Variants in SAMD12 observed in about 807,000 individuals in gnomAD.
The protein encoded by SAMD12 is sterile alpha motif domain containing 12.
SAMD12 carries 9 observed loss-of-function variants against 15.0 expected under a neutral mutation model. The observed-to-expected ratio is 0.60, with a 90% CI of 0.36 to 1.05. The LOEUF (loss-of-function observed/expected upper bound fraction) is 1.05, where lower values mean the gene tolerates loss of function less well. SAMD12 is among the 50% of genes least tolerant of loss of function. The pLI, the probability that SAMD12 is intolerant of heterozygous loss-of-function variation, is 0.01. For synonymous variants in SAMD12, 86 were observed against 90.1 expected (o/e 0.96, Z 0.25); for missense variants, 230 against 234.2 (o/e 0.98, Z 0.12).
chr8:118,446,533 T>A (rs1409678519), intron 2 of SAMD12, among the ~76,000 whole-genome samples: 1 of 152,232 alleles, frequency 6.6e-6, no homozygotes, highest in Non-Finnish European at 1.5e-5. Context: ...CTTCTCTTTT[T>A]TTGAGCTACA....
At chr8:118,392,432 GACAA>G (rs1414802043) in intron 3 of SAMD12, among the ~76,000 whole-genome samples, 4 of 152,074 alleles carry the variant, frequency 2.6e-5, no homozygotes, top group African/African-American at 7.2e-5. Context: ...TCCGTCTCAA[GACAA>G]ACAAACAAAA....
intron 2 of SAMD12, among the ~76,000 whole-genome samples, chr8:118,525,845 A>C (rs567648104): frequency 2.4e-4 from 37 of 152,192 alleles, no homozygotes; most frequent in Non-Finnish European, 4.7e-4. Flanking sequence ...TCTATGTTTA[A>C]AGCAACACTG....
chr8:118,304,911 G>A (rs1480135465), intron 4 of SAMD12, among the ~76,000 whole-genome samples: 1 of 151,504 alleles, frequency 6.6e-6, no homozygotes, highest in Non-Finnish European at 1.5e-5. Context: ...CACTTTGGGA[G>A]GCTGAGGCGG....
In SAMD12 at chr8:118,597,417, T is replaced by A. The variant is rs188713536; in HGVS notation, c.14-16524A>T. On this transcript the variant is annotated intron_variant, in intron 1 of 3. Transcript: ENST00000314727. ...GACAATAGTGACAAAACTCTGGTAATGTCAGTGAGGATTTAGAGAAACAGA... is the reference window on the plus strand; with the variant it reads ...GACAATAGTGACAAAACTCTGGTAAAGTCAGTGAGGATTTAGAGAAACAGA... 8.9e-3 allele frequency among the ~76,000 whole-genome samples: 1,355 copies of A among 152,322 alleles called. 5 individuals are homozygous for A. The highest frequency in any genetic ancestry group is 0.031 in the Middle Eastern group (9 of 294).
chr8:118,472,402 A>C (rs1210278494), intron 2 of SAMD12, among the ~76,000 whole-genome samples: 1 of 152,160 alleles, frequency 6.6e-6, no homozygotes, highest in East Asian at 1.9e-4. Flanking sequence ...ATAAGTATAA[A>C]GAGGCTTGGT....
At chr8:118,362,715 C>T (rs1205382191) in intron 4 of SAMD12, among the ~76,000 whole-genome samples, 2 of 152,204 alleles carry the variant, frequency 1.3e-5, no homozygotes, top group Non-Finnish European at 2.9e-5. Context: ...TTCAAACCCT[C>T]ATGGTCACTG....
intron 2 of SAMD12, among the ~76,000 whole-genome samples, chr8:118,450,577 C>G (rs527265945): frequency 6.6e-6 from 1 of 152,116 alleles, no homozygotes; most frequent in Admixed American, 6.5e-5. Flanking sequence ...CAAAAACGAA[C>G]CATAAAAATT....
intron 2 of SAMD12, among the ~76,000 whole-genome samples, chr8:118,462,135 A>G (rs73313481): frequency 0.028 from 4,201 of 152,278 alleles, 175 homozygotes; most frequent in African/African-American, 0.08. Context: ...AGCCTCCTTT[A>G]TTTCAAATCT....
At chr8:118,545,685 G>C (rs143661429) in intron 2 of SAMD12, among the ~76,000 whole-genome samples, 124 of 152,226 alleles carry the variant, frequency 8.1e-4, no homozygotes, top group Non-Finnish European at 1.6e-3. Flanking sequence ...CTTAGGAATA[G>C]AAAAGAAAAA....
At position 118,284,164 on chromosome 8, in the gene SAMD12, C is replaced by A. The variant is rs570424686; in HGVS notation, c.434-86432G>T. On this transcript the variant is annotated intron_variant, in intron 4 of 4. Coordinates refer to the SAMD12 transcript ENST00000409003. Reference sequence around the variant, plus strand: ...TCTTTTGGATCCATTATGATAACCCCGATGGCCACTTTTTGCCCACCTTAA... The same window carrying A: ...TCTTTTGGATCCATTATGATAACCCAGATGGCCACTTTTTGCCCACCTTAA... 7.3e-6 allele frequency: 3 copies of A among 410,334 alleles called. No individual in the cohort carries two copies. The East Asian group carries it at 2.1e-4, about 29-fold the overall frequency. The allele number at this position is 410,334 out of a possible 1,614,324, so 25.4% of individuals were successfully genotyped here.
At chr8:118,383,185 A>G (rs948014339) in intron 3 of SAMD12, among the ~76,000 whole-genome samples, 6 of 152,192 alleles carry the variant, frequency 3.9e-5, no homozygotes, top group African/African-American at 1.4e-4. Context: ...ATTATAGAGC[A>G]CTCACTAGGC....
intron 2 of SAMD12, among the ~76,000 whole-genome samples, chr8:118,472,875 G>T (rs1263977246): frequency 3.9e-5 from 3 of 76,734 alleles, no homozygotes; most frequent in African/African-American, 1.7e-4. Context: ...CCTTGCTGTA[G>T]ATTTTGACAG....
At chr8:118,550,762 GTGTGTT>G (rs1212839556) in intron 2 of SAMD12, among the ~76,000 whole-genome samples, 2 of 151,466 alleles carry the variant, frequency 1.3e-5, no homozygotes, top group African/African-American at 4.9e-5. Flanking sequence ...AGACCCATCA[GTGTGTT>G]GTATTCAGGA....
intron 3 of SAMD12, among the ~76,000 whole-genome samples, chr8:118,438,237 C>T (rs927878454): frequency 6.6e-6 from 1 of 152,116 alleles, no homozygotes; most frequent in Non-Finnish European, 1.5e-5. Flanking sequence ...AGAGGAAATG[C>T]ATAAAGGACC....
At chr8:118,593,768 C>T (rs554739089) in intron 1 of SAMD12, among the ~76,000 whole-genome samples, 28 of 152,164 alleles carry the variant, frequency 1.8e-4, no homozygotes, top group Admixed American at 3.9e-4. Context: ...TCAGAAATTA[C>T]GTCGGAAAAT....
intron 2 of SAMD12, among the ~76,000 whole-genome samples, chr8:118,480,699 G>A (rs1824101331): frequency 6.6e-6 from 1 of 152,118 alleles, no homozygotes; most frequent in Admixed American, 6.5e-5. Context: ...AGAAACTGCA[G>A]CCCTTCAGCT....
At chr8:118,403,060 T>C (rs1018866437) in intron 3 of SAMD12, among the ~76,000 whole-genome samples, 4 of 152,192 alleles carry the variant, frequency 2.6e-5, no homozygotes, top group Non-Finnish European at 4.4e-5. Context: ...GCACTGTGAA[T>C]TGGGTACTAA....
At chr8:118,267,399 TA>T in intron 4 of SAMD12, among the ~76,000 whole-genome samples, 1 of 152,162 alleles carries the variant, frequency 6.6e-6, no homozygotes, top group South Asian at 2.1e-4. Context: ...GGAGGATAAA[TA>T]AAACCTGTTT....
In SAMD12 at chr8:118,205,400, G is replaced by A. The variant is rs73316096; in HGVS notation, c.434-7668C>T. Among the ~76,000 whole-genome samples the A allele has an allele frequency of 8.5e-3, 1,300 of 152,316 alleles. 19 individuals are homozygous for A. Among genetic ancestry groups the A allele is most frequent in the African/African-American group, 0.03 (1,229 of 41,564 alleles). ...TCACCAAGTACTTCCTAGGTGCTTA[G>A]CATCAGGCTAAGAACCTGTGTTCAC... On this transcript the variant is annotated intron_variant, in intron 4 of 4. Transcript: ENST00000409003.
Sources: allele counts gnomAD v4.1 joint callset (sites outside exome capture counted in the v4.1 genomes callset), GRCh38; gene constraint gnomAD v4.1.1; transcripts MANE v1.5; gene names NCBI Gene and HGNC (gene_info 2026-07-23, HGNC 2026-07-21).